The following AMOTL1 variants were observed in gnomAD, a reference collection of about 807,000 sequenced individuals.
AMOTL1 encodes angiomotin like 1.
In AMOTL1, 45 loss-of-function variants were observed where a neutral mutation model predicts 102.9. The observed-to-expected ratio is 0.44, with a 90% CI of 0.34 to 0.56. AMOTL1 has a LOEUF of 0.56. Among genes scored for constraint, AMOTL1 ranks in the 20% least tolerant of loss-of-function variants. The pLI, the probability that AMOTL1 is intolerant of heterozygous loss-of-function variation, is 0.01. For synonymous variants in AMOTL1, 481 were observed against 484.7 expected, an observed-to-expected ratio of 0.99 and a Z score of 0.10; for missense variants, 1,114 against 1,225.6, an observed-to-expected ratio of 0.91 and a Z score of 1.36.
chr11:94,758,629 G>A (rs1312773375), intron 3 of AMOTL1, among the ~76,000 whole-genome samples: 1 of 152,182 alleles, frequency 6.6e-6, no homozygotes, highest in Non-Finnish European at 1.5e-5. Context: ...AGATTTTTAA[G>A]CAATGATAAA....
intron 3 of AMOTL1, among the ~76,000 whole-genome samples, 187 bp from the exon 4 acceptor site, chr11:94,821,343 G>A (rs1050942834): frequency 1.3e-5 from 2 of 152,188 alleles, no homozygotes; most frequent in African/African-American, 4.8e-5. Flanking sequence ...GGTCTGTCTT[G>A]TTCGCTGTTT....
At chr11:94,776,479 C>T (rs1253719518) in intron 1 of AMOTL1, among the ~76,000 whole-genome samples, 9 of 152,238 alleles carry the variant, frequency 5.9e-5, no homozygotes, top group Non-Finnish European at 2.9e-5. Flanking sequence ...TCTGTCCTTC[C>T]TTCTTTCCCT....
chr11:94,756,439 A>T (rs955705852), intron 3 of AMOTL1, among the ~76,000 whole-genome samples: 1 of 152,174 alleles, frequency 6.6e-6, no homozygotes, highest in Non-Finnish European at 1.5e-5. Context: ...CACAAATACA[A>T]ATATAAATAT....
chr11:94,821,015 G>A (rs1951855206), intron 3 of AMOTL1, among the ~76,000 whole-genome samples: 1 of 152,154 alleles, frequency 6.6e-6, no homozygotes, highest in Non-Finnish European at 1.5e-5. Flanking sequence ...TGGCCCAGTG[G>A]TTGGGGACCA....
At chr11:94,804,443 G>A (rs1951533246) in intron 3 of AMOTL1, among the ~76,000 whole-genome samples, 1 of 152,032 alleles carries the variant, frequency 6.6e-6, no homozygotes, top group Admixed American at 6.5e-5. Context: ...ATGTGCCACC[G>A]TGCCCAACTA....
intron 1 of AMOTL1, among the ~76,000 whole-genome samples, chr11:94,778,688 T>C (rs1951062443): frequency 6.6e-6 from 1 of 152,226 alleles, no homozygotes; most frequent in African/African-American, 2.4e-5. Flanking sequence ...GGGTCTGGAC[T>C]TCAGGCAAGG....
intron 1 of AMOTL1, among the ~76,000 whole-genome samples, chr11:94,713,583 A>G (rs1950051362): frequency 6.6e-6 from 1 of 151,732 alleles, no homozygotes; most frequent in Admixed American, 6.6e-5. Flanking sequence ...CAATATACAG[A>G]TTCTGTAGGT....
At chr11:94,741,035 C>T in intron 3 of AMOTL1, 1 of 1,269,548 alleles carries the variant, frequency 7.9e-7, no homozygotes, top group South Asian at 1.2e-5. Context: ...CAATTCTGCC[C>T]GAGAACTGCG....
At chr11:94,730,351 T>A (rs1024550802) in intron 2 of AMOTL1, among the ~76,000 whole-genome samples, 2 of 152,082 alleles carry the variant, frequency 1.3e-5, no homozygotes, top group African/African-American at 2.4e-5. Flanking sequence ...TATTATCATC[T>A]CTCTTCCACT....
chr11:94,726,182 T>A (rs561921778), intron 1 of AMOTL1, among the ~76,000 whole-genome samples: 77 of 152,298 alleles, frequency 5.1e-4, no homozygotes, highest in Non-Finnish European at 1.0e-3. Flanking sequence ...AGAGGCTGTG[T>A]CAGTTTCAGG....
In AMOTL1 at chr11:94,876,666, A is replaced by G. The variant is rs1953099650; in HGVS notation, c.*5871A>G. On this transcript the variant is annotated 3_prime_UTR_variant, in exon 13 of 13. Transcript: ENST00000433060. ...TACATAATAAATGGATAAAATGGCA[A>G]AATGACTCTTTTCTCTCGCTTGCTC... The G allele has an allele frequency of 1.3e-5, 2 of 152,698 alleles. No homozygotes were observed. The highest frequency in any genetic ancestry group is 2.9e-5 in the Non-Finnish European group (2 of 68,054). 9.5% of individuals were successfully genotyped at this position (152,698 alleles called of 1,614,324 possible). A position where few individuals can be genotyped will look rare whatever the true frequency, so the allele number is the denominator to read the frequency against.
chr11:94,755,734 C>G (rs571858861), intron 3 of AMOTL1, among the ~76,000 whole-genome samples: 1 of 152,070 alleles, frequency 6.6e-6, no homozygotes, highest in South Asian at 2.1e-4. Flanking sequence ...TTGTGGGGAG[C>G]GTTTTTGGGC....
At chr11:94,824,782 G>C (rs1283332037) in intron 4 of AMOTL1, among the ~76,000 whole-genome samples, 2 of 152,174 alleles carry the variant, frequency 1.3e-5, no homozygotes, top group East Asian at 1.9e-4. Flanking sequence ...ATATGACCCC[G>C]CTATGCCCAC....
intron 6 of AMOTL1, among the ~76,000 whole-genome samples, chr11:94,835,265 G>A (rs1370193621): frequency 6.6e-6 from 1 of 152,174 alleles, no homozygotes; most frequent in South Asian, 2.1e-4. Flanking sequence ...CTCCTGTTTG[G>A]TCTGGCTGTG....
intron 1 of AMOTL1, among the ~76,000 whole-genome samples, chr11:94,771,927 T>C (rs2135517751): frequency 6.6e-6 from 1 of 152,384 alleles, no homozygotes; most frequent in South Asian, 2.1e-4. Flanking sequence ...TGTCGTTCTA[T>C]GGTGTGTGTT....
In AMOTL1 at chr11:94,799,712, A is replaced by G. The variant is rs150372818; in HGVS notation, c.522A>G (p.Lys174=). 2.3e-5 allele frequency: 37 copies of G among 1,613,868 alleles called. No individual in the cohort carries two copies. In the African/African-American group the frequency reaches 4.7e-4, roughly 20 times the overall value. The part of the protein sequence containing the change: ...EHQVDNTVME[K]QVRSTQPQQN... ...AGGTGGACAATACGGTGATGGAGAAACAGGTCCGGTCCACGCAGCCTCAGC... is the reference window on the plus strand; with the variant it reads ...AGGTGGACAATACGGTGATGGAGAAGCAGGTCCGGTCCACGCAGCCTCAGC... The change falls in exon 3 of 13, where the codon AAA becomes AAG. Residue 174 remains lysine (K), a synonymous_variant. Transcript: ENST00000433060. The surrounding 1 kb of genome is among the most constrained non-coding windows in gnomAD (Gnocchi z 4.5).
chr11:94,768,314 C>T, upstream of AMOTL1: 1 of 1,372,684 alleles, frequency 7.3e-7, no homozygotes, highest in Non-Finnish European at 9.4e-7. Flanking sequence ...GCGACCCTCC[C>T]CGGCCCGCGC....
chr11:94,806,352 G>A (rs1316091780), intron 3 of AMOTL1, among the ~76,000 whole-genome samples: 1 of 152,230 alleles, frequency 6.6e-6, no homozygotes, highest in Non-Finnish European at 1.5e-5. Flanking sequence ...CTTTGTGTTG[G>A]ACATGGCTGG....
chr11:94,809,773 G>T (rs1591988913), intron 3 of AMOTL1, among the ~76,000 whole-genome samples: 1 of 152,194 alleles, frequency 6.6e-6, no homozygotes, highest in South Asian at 2.1e-4. Flanking sequence ...TACATTTCAC[G>T]AATACTTTTA....
Sources: gnomAD v4.1 joint callset for allele counts (sites outside exome capture counted in the v4.1 genomes callset) on GRCh38, gnomAD v4.1.1 for gene constraint, Gnocchi (gnomAD v3.1) non-coding constraint, MANE v1.5 for transcripts, NCBI Gene and HGNC (gene_info 2026-07-23, HGNC 2026-07-21) for gene names.